The following STX8 variants were observed in gnomAD, a reference collection of about 807,000 sequenced individuals.
STX8 encodes the protein syntaxin-8.
A neutral mutation model predicts 37.5 loss-of-function variants in STX8; 23 were observed. The ratio of observed to expected loss-of-function variants is 0.61; its 90% confidence interval spans 0.44 to 0.87. STX8 has a LOEUF of 0.87. Among genes scored for constraint, STX8 ranks in the 40% least tolerant of loss-of-function variants. The probability of loss-of-function intolerance (pLI) is 0.00; values close to 1 mark genes in which losing one functional copy is unlikely to be tolerated. For missense variants in STX8, 313 were observed against 284.7 expected, an observed-to-expected ratio of 1.10 and a Z score of -0.71; for synonymous variants, 115 against 99.1, an observed-to-expected ratio of 1.16 and a Z score of -0.95.
chr17:9,540,369 A>C (rs1906231059), intron 4 of STX8, among the ~76,000 whole-genome samples: 1 of 152,104 alleles, frequency 6.6e-6, no homozygotes, highest in Non-Finnish European at 1.5e-5. Flanking sequence ...GTCTAGTATG[A>C]ATTTTCTTAT....
intron 7 of STX8, among the ~76,000 whole-genome samples, chr17:9,334,115 TGC>T (rs1910061473): frequency 7.7e-6 from 1 of 129,880 alleles, no homozygotes; most frequent in South Asian, 2.6e-4. Context: ...CCTGTCTTCT[TGC>T]ACTGAGTCAG....
At chr17:9,444,256 TG>T (rs1333404377) in intron 6 of STX8, among the ~76,000 whole-genome samples, 1 of 152,206 alleles carries the variant, frequency 6.6e-6, no homozygotes, top group Non-Finnish European at 1.5e-5. Flanking sequence ...CCCAAAGCAT[TG>T]GGATTACAGG....
intron 4 of STX8, among the ~76,000 whole-genome samples, chr17:9,505,941 CAAAAA>C (rs11311287): frequency 3.9e-5 from 4 of 101,584 alleles, no homozygotes; most frequent in African/African-American, 7.4e-5. Context: ...GACTCTGTCT[CAAAAA>C]AAAAAAAAAA....
rs567950116 is a variant in STX8 at position 9,544,104 on chromosome 17, C to T, written c.323+1068G>A. Among the ~76,000 whole-genome samples the T allele has an allele frequency of 1.8e-4, 28 of 152,262 alleles. 1 individual carries two copies. Among genetic ancestry groups the T allele is most frequent in the Admixed American group, 1.8e-3 (27 of 15,288 alleles). On this transcript the variant is annotated intron_variant, in intron 4 of 7. Transcript: ENST00000306357. The stretch of plus-strand genomic sequence containing the variant: ...ACAATGCACGGCTAGGGTCCAAAAC[C>T]ACTGCCCTTGGGAAGCCACACTATT...
At chr17:9,573,928 G>A (rs1379822742) in intron 1 of STX8, among the ~76,000 whole-genome samples, 3 of 151,958 alleles carry the variant, frequency 2.0e-5, no homozygotes, top group Non-Finnish European at 4.4e-5. Flanking sequence ...AAACTAATAG[G>A]AGAAAAATAA....
intron 6 of STX8, among the ~76,000 whole-genome samples, chr17:9,380,252 GTGTT>G (rs901371000): frequency 5.7e-5 from 7 of 123,108 alleles, no homozygotes; most frequent in Non-Finnish European, 8.2e-5. Flanking sequence ...GAATTTCTGT[GTGTT>G]TTTTTTTTTT....
intron 7 of STX8, among the ~76,000 whole-genome samples, chr17:9,298,143 A>G (rs79323003): frequency 0.018 from 2,339 of 128,010 alleles, 51 homozygotes; most frequent in African/African-American, 0.06. Context: ...TGGAAATGTC[A>G]CTGGCTGGGA....
At chr17:9,556,135 A>G (rs150822201) in intron 3 of STX8, among the ~76,000 whole-genome samples, 1 of 152,344 alleles carries the variant, frequency 6.6e-6, no homozygotes, top group East Asian at 1.9e-4. Context: ...CTAGAAAACC[A>G]TGCAACTAAG....
At chr17:9,375,899 G>A (rs777260709) in intron 7 of STX8, among the ~76,000 whole-genome samples, 10 of 152,156 alleles carry the variant, frequency 6.6e-5, no homozygotes, top group Non-Finnish European at 1.3e-4. Flanking sequence ...GAGAGAGTTC[G>A]TGAAGCTCGG....
chr17:9,427,696 G>A (rs1337513027), intron 6 of STX8, among the ~76,000 whole-genome samples: 1 of 152,160 alleles, frequency 6.6e-6, no homozygotes, highest in Non-Finnish European at 1.5e-5. Flanking sequence ...CAGACAGAGT[G>A]GAGTTCTGAG....
At chr17:9,466,678 A>G (rs922684901) in intron 6 of STX8, among the ~76,000 whole-genome samples, 3 of 152,174 alleles carry the variant, frequency 2.0e-5, no homozygotes, top group African/African-American at 7.2e-5. Flanking sequence ...AAAGTGACAT[A>G]GGCCTGTGTC....
At chr17:9,315,418 C>A (rs889928492) in intron 7 of STX8, among the ~76,000 whole-genome samples, 1 of 152,176 alleles carries the variant, frequency 6.6e-6, no homozygotes, top group African/African-American at 2.4e-5. Context: ...ACAGAGGCTG[C>A]ACGCAGCATG....
intron 5 of STX8, among the ~76,000 whole-genome samples, chr17:9,493,880 AAC>A (rs765639102): frequency 1.1e-4 from 17 of 152,174 alleles, no homozygotes; most frequent in East Asian, 5.8e-4. Flanking sequence ...TAAATGCCCA[AAC>A]ACAGAGATGT....
At chr17:9,266,621 G>A (rs953410315) in intron 7 of STX8, among the ~76,000 whole-genome samples, 23 of 152,088 alleles carry the variant, frequency 1.5e-4, no homozygotes, top group Non-Finnish European at 4.4e-5. Context: ...TTCCAGTAAG[G>A]TGGGATCACT....
chr17:9,556,943 A>G (rs1907005167), intron 3 of STX8: 1 of 153,056 alleles, frequency 6.5e-6, no homozygotes, highest in African/African-American at 2.4e-5. Context: ...AAAATAAGGC[A>G]CATCTCAAAT....
chr17:9,453,387 ATGG>A (rs1280892491), intron 6 of STX8, among the ~76,000 whole-genome samples: 1 of 151,846 alleles, frequency 6.6e-6, no homozygotes, highest in Non-Finnish European at 1.5e-5. Flanking sequence ...TGTGGGACAG[ATGG>A]TGAAGGATAC....
chr17:9,290,777 C>A (rs942263502), intron 7 of STX8, among the ~76,000 whole-genome samples: 2 of 152,168 alleles, frequency 1.3e-5, no homozygotes, highest in African/African-American at 4.8e-5. Flanking sequence ...CCTGAGGATG[C>A]TACCAAAAGC....
intron 6 of STX8, among the ~76,000 whole-genome samples, chr17:9,453,833 G>A (rs995301852): frequency 6.6e-6 from 1 of 152,044 alleles, no homozygotes; most frequent in Non-Finnish European, 1.5e-5. Context: ...ACTATGTGTT[G>A]AGTTAATAAA....
intron 6 of STX8, among the ~76,000 whole-genome samples, chr17:9,459,289 T>C (rs1407196468): frequency 1.3e-5 from 2 of 152,182 alleles, no homozygotes; most frequent in African/African-American, 4.8e-5. Context: ...ATAAAGAGCC[T>C]GGACGAGGGC....
Sources: gnomAD v4.1 joint callset for allele counts (sites outside exome capture counted in the v4.1 genomes callset) on GRCh38, gnomAD v4.1.1 for gene constraint, MANE v1.5 for transcripts, NCBI Gene and HGNC (gene_info 2026-07-23, HGNC 2026-07-21) for gene names.